The following RSRC1 variants were observed in gnomAD, a reference collection of about 807,000 sequenced individuals.
The protein encoded by RSRC1 is arginine and serine rich coiled-coil 1.
A neutral mutation model predicts 49.1 loss-of-function variants in RSRC1; 39 were observed. That is an observed-to-expected ratio of 0.79 (90% confidence interval 0.61 to 1.04). The LOEUF (loss-of-function observed/expected upper bound fraction) is 1.04. Ranked by LOEUF, RSRC1 falls within the 50% of genes least tolerant of loss-of-function variation. RSRC1 has a pLI of 0.00. For missense variants in RSRC1, 388 were observed against 402.4 expected (o/e 0.96, Z 0.31); for synonymous variants, 143 against 130.8 (o/e 1.09, Z -0.63).
At chr3:158,226,045 G>A (rs1050119819) in intron 4 of RSRC1, among the ~76,000 whole-genome samples, 1 of 151,724 alleles carries the variant, frequency 6.6e-6, no homozygotes, top group African/African-American at 2.4e-5. Flanking sequence ...GTACCTCAAG[G>A]GCTTGTGGGA....
chr3:158,330,859 A>G (rs1413946028), intron 5 of RSRC1, among the ~76,000 whole-genome samples: 4 of 150,632 alleles, frequency 2.7e-5, no homozygotes, highest in Non-Finnish European at 5.9e-5. Context: ...TGCTGCTAAT[A>G]AAGACCTACC....
At chr3:158,165,381 G>A (rs942269088) in intron 3 of RSRC1, among the ~76,000 whole-genome samples, 1 of 152,164 alleles carries the variant, frequency 6.6e-6, no homozygotes, top group South Asian at 2.1e-4. Flanking sequence ...TCATTGCATC[G>A]TTATGTATGC....
chr3:158,474,347 C>T lies in RSRC1; in HGVS notation c.652+13344C>T, dbSNP rs202024440. ...TTATGTCTAAAAACCAATGTACATACCTTAGTTGAATACATACTTCATTGC... is the reference window on the plus strand; with the variant it reads ...TTATGTCTAAAAACCAATGTACATATCTTAGTTGAATACATACTTCATTGC... On this transcript the variant is annotated intron_variant, in intron 7 of 9. Transcript: ENST00000611884. Among the ~76,000 whole-genome samples the T allele has an allele frequency of 2.6e-5, 4 of 152,138 alleles. 1 individual carries two copies. The highest frequency in any genetic ancestry group is 9.7e-5 in the African/African-American group (4 of 41,440).
chr3:158,353,501 A>G (rs1159796169), intron 5 of RSRC1, among the ~76,000 whole-genome samples: 1 of 152,224 alleles, frequency 6.6e-6, no homozygotes, highest in Non-Finnish European at 1.5e-5. Flanking sequence ...AAACTTATTT[A>G]TGAAACCAGG....
intron 4 of RSRC1, among the ~76,000 whole-genome samples, chr3:158,241,294 A>G (rs1404529915): frequency 1.1e-5 from 1 of 93,072 alleles, no homozygotes; most frequent in Admixed American, 1.1e-4. Flanking sequence ...CTAAAAATAC[A>G]AAAAAAAAGC....
chr3:158,374,028 T>G (rs1040554450), intron 6 of RSRC1, among the ~76,000 whole-genome samples: 10 of 152,226 alleles, frequency 6.6e-5, no homozygotes, highest in Admixed American at 2.0e-4. Flanking sequence ...CCTAATACTT[T>G]ATGTTTACCA....
At chr3:158,287,276 G>A (rs1578291492) in intron 4 of RSRC1, among the ~76,000 whole-genome samples, 1 of 152,018 alleles carries the variant, frequency 6.6e-6, no homozygotes, top group South Asian at 2.1e-4. Context: ...AGTAGAAATT[G>A]TATTTTAAAA....
At chr3:158,388,612 G>GTTT (rs11354237) in intron 6 of RSRC1, among the ~76,000 whole-genome samples, 3 of 143,944 alleles carry the variant, frequency 2.1e-5, no homozygotes, top group African/African-American at 5.2e-5. Context: ...CGTGTTTTTT[G>GTTT]TTTTTTTTTT....
intron 1 of RSRC1, among the ~76,000 whole-genome samples, chr3:158,119,801 T>A (rs1715125382): frequency 6.6e-6 from 1 of 151,384 alleles, no homozygotes; most frequent in Non-Finnish European, 1.5e-5. Context: ...TACATATATA[T>A]ACATGTTGTA....
chr3:158,511,333 C>T (rs913952257), intron 7 of RSRC1, among the ~76,000 whole-genome samples: 3 of 151,772 alleles, frequency 2.0e-5, no homozygotes, highest in African/African-American at 7.3e-5. Context: ...TCCATGTGTT[C>T]TCATTGTTCA....
chr3:158,321,257 CTTCT>C (rs1359780392), intron 5 of RSRC1, among the ~76,000 whole-genome samples: 1 of 142,886 alleles, frequency 7.0e-6, no homozygotes, highest in Non-Finnish European at 1.5e-5. Context: ...CTTCCTTCTT[CTTCT>C]TTTTCTTCTT....
At chr3:158,423,155 C>T (rs1735179105) in intron 6 of RSRC1, among the ~76,000 whole-genome samples, 2 of 151,980 alleles carry the variant, frequency 1.3e-5, no homozygotes, top group African/African-American at 4.8e-5. Context: ...CTTGCCCATG[C>T]CTATGTCCTG....
rs1023643097 is a variant in RSRC1, at chr3:158,180,048, C to T, written c.321-23024C>T. 2.8e-4 allele frequency among the ~76,000 whole-genome samples: 43 copies of T among 152,154 alleles called. 1 individual carries two copies. The highest frequency in any genetic ancestry group is 9.6e-4 in the African/African-American group (40 of 41,540). On this transcript the variant is annotated intron_variant, in intron 3 of 9. Transcript: ENST00000611884. Reference sequence around the variant, plus strand: ...TATCCTCTTTGGTGAAATATGTTAACTTGTTTTGTCCTTTTTTTCTAATTG... The same window carrying T: ...TATCCTCTTTGGTGAAATATGTTAATTTGTTTTGTCCTTTTTTTCTAATTG...
chr3:158,251,726 A>G (rs1323300294), intron 4 of RSRC1, among the ~76,000 whole-genome samples: 1 of 152,166 alleles, frequency 6.6e-6, no homozygotes, highest in Non-Finnish European at 1.5e-5. Flanking sequence ...TGGAGTCTTT[A>G]GGTTATTCCA....
chr3:158,243,956 T>G (rs867658059), intron 4 of RSRC1, among the ~76,000 whole-genome samples: 4 of 151,674 alleles, frequency 2.6e-5, no homozygotes, highest in East Asian at 3.9e-4. Flanking sequence ...TATGGTTTTT[T>G]TTTTTTTTTT....
At chr3:158,273,521 TC>T (rs535365132) in intron 4 of RSRC1, among the ~76,000 whole-genome samples, 9 of 152,242 alleles carry the variant, frequency 5.9e-5, no homozygotes, top group Middle Eastern at 3.4e-3. Flanking sequence ...GGATAAATTA[TC>T]CCCCATTCTA....
At chr3:158,258,693 T>G (rs1187505331) in intron 4 of RSRC1, among the ~76,000 whole-genome samples, 4 of 152,172 alleles carry the variant, frequency 2.6e-5, no homozygotes, top group African/African-American at 7.2e-5. Context: ...TTTGCCCTTT[T>G]GGGGCTATTT....
At chr3:158,336,559 A>G (rs967552886) in intron 5 of RSRC1, 1 of 152,418 alleles carries the variant, frequency 6.6e-6, no homozygotes, top group Non-Finnish European at 1.5e-5. Flanking sequence ...CCTTGTGTTC[A>G]TTACCCTGGG....
chr3:158,142,302 A>G (rs1000945339), intron 3 of RSRC1, among the ~76,000 whole-genome samples: 14 of 152,280 alleles, frequency 9.2e-5, no homozygotes, highest in Admixed American at 8.5e-4. Context: ...CATCATCTTC[A>G]TATTAGAAGA....
Sources: gnomAD v4.1 joint callset for allele counts (sites outside exome capture counted in the v4.1 genomes callset) on GRCh38, gnomAD v4.1.1 for gene constraint, MANE v1.5 for transcripts, NCBI Gene and HGNC (gene_info 2026-07-23, HGNC 2026-07-21) for gene names.